HSF5: variants seen among roughly 807,000 people sequenced by gnomAD.
HSF5 encodes heat shock factor protein 5.
A neutral mutation model predicts 50.8 loss-of-function variants in HSF5; 5 were observed. That is an observed-to-expected ratio of 0.10 (90% CI 0.05 to 0.21). HSF5 has a LOEUF of 0.21. Among genes scored for constraint, HSF5 ranks in the 10% least tolerant of loss-of-function variants. HSF5 has a pLI of 1.00. For synonymous variants in HSF5, 307 were observed against 307.4 expected, an observed-to-expected ratio of 1.00 and a Z score of 0.02; for missense variants, 564 against 762.6, an observed-to-expected ratio of 0.74 and a Z score of 3.07.
chr17:58,435,639 G>A (rs768813561), intron 5 of HSF5, among the ~76,000 whole-genome samples: 7 of 151,948 alleles, frequency 4.6e-5, no homozygotes, highest in African/African-American at 9.7e-5. Context: ...TTGGCTGGGC[G>A]CTGTGGCTCA....
At position 58,458,957 on chromosome 17, in the gene HSF5, A is replaced by G; in HGVS notation, c.1543-12T>C. 6.3e-7 allele frequency: 1 copy of G among 1,596,094 alleles called. No individual in the cohort carries two copies. On this transcript the variant is annotated splice_polypyrimidine_tract_variant and intron_variant, in intron 4 of 5. Transcript: ENST00000323777. ...ATGTTGGCATCCACCTAAAATATTA[A>G]ACCCATTCATTATTTGAGATTTCCT... is the stretch of plus-strand genomic sequence containing the variant.
chr17:58,476,698 G>T, intron 2 of HSF5: 2 of 1,584,934 alleles, frequency 1.3e-6, no homozygotes, highest in Non-Finnish European at 1.7e-6. Context: ...GACAAATGTT[G>T]TTATCCAAAA....
chr17:58,451,971 G>A (rs925910583), intron 5 of HSF5, among the ~76,000 whole-genome samples: 31 of 139,950 alleles, frequency 2.2e-4, no homozygotes, highest in Admixed American at 7.8e-4. Flanking sequence ...AAAAAAGGAC[G>A]GCCAGGTGTG....
At chr17:58,427,392 A>AT (rs1285521155) in intron 5 of HSF5, among the ~76,000 whole-genome samples, 1 of 152,236 alleles carries the variant, frequency 6.6e-6, no homozygotes, top group Non-Finnish European at 1.5e-5. Flanking sequence ...AAGGGCACTG[A>AT]TAAGTTCTGC....
intron 5 of HSF5, among the ~76,000 whole-genome samples, chr17:58,433,978 T>C (rs1974395299): frequency 7.0e-6 from 1 of 142,080 alleles, no homozygotes; most frequent in Non-Finnish European, 1.5e-5. Context: ...CAGTGGCGTG[T>C]TCTTGGCTCA....
intron 4 of HSF5, among the ~76,000 whole-genome samples, chr17:58,460,561 G>A (rs1467413011): frequency 6.6e-6 from 1 of 150,788 alleles, no homozygotes; most frequent in African/African-American, 2.4e-5. Flanking sequence ...CCAGGCTGGA[G>A]TGCAGTGGCG....
chr17:58,459,793 A>G (rs1214019663), intron 4 of HSF5, among the ~76,000 whole-genome samples: 2 of 152,024 alleles, frequency 1.3e-5, no homozygotes, highest in Non-Finnish European at 2.9e-5. Context: ...GACCAAAAGT[A>G]AGATAGTTTC....
chr17:58,470,700 G>C (rs1435743763), intron 2 of HSF5, among the ~76,000 whole-genome samples: 1 of 152,200 alleles, frequency 6.6e-6, no homozygotes, highest in Non-Finnish European at 1.5e-5. Flanking sequence ...GGCCAAGGCA[G>C]GCGGATCACG....
chr17:58,453,561 C>T (rs1974668294), intron 5 of HSF5, among the ~76,000 whole-genome samples: 1 of 151,790 alleles, frequency 6.6e-6, no homozygotes, highest in African/African-American at 2.4e-5. Context: ...TGCCATTGCA[C>T]TCCAGCCTGG....
intron 5 of HSF5, among the ~76,000 whole-genome samples, chr17:58,423,533 G>A (rs1216160729): frequency 7.5e-6 from 1 of 132,596 alleles, no homozygotes; most frequent in Admixed American, 8.8e-5. Flanking sequence ...TGTCACCCGC[G>A]CTGGAGTGCA....
At chr17:58,480,762 G>GCTATCTATCTATCTAT (rs59278255) in intron 1 of HSF5, among the ~76,000 whole-genome samples, 5,397 of 146,434 alleles carry the variant, frequency 0.037, 133 homozygotes, top group East Asian at 0.042. Flanking sequence ...AACGCTCTTT[G>GCTATCTATCTATCTAT]CTATCTATCT....
intron 5 of HSF5, among the ~76,000 whole-genome samples, chr17:58,429,832 C>T (rs1408475303): frequency 1.5e-5 from 2 of 129,578 alleles, no homozygotes; most frequent in Non-Finnish European, 3.3e-5. Context: ...GGCAACAAAG[C>T]AAGACTCTGT....
intron 5 of HSF5, among the ~76,000 whole-genome samples, chr17:58,436,253 TTTCATA>T (rs1974426026): frequency 6.6e-6 from 1 of 152,230 alleles, no homozygotes; most frequent in African/African-American, 2.4e-5. Flanking sequence ...ATAGCCATGT[TTTCATA>T]GACCAACTGC....
intron 5 of HSF5, among the ~76,000 whole-genome samples, chr17:58,440,692 A>G (rs1447213942): frequency 6.6e-6 from 1 of 152,202 alleles, no homozygotes; most frequent in Non-Finnish European, 1.5e-5. Context: ...GAAAACAACC[A>G]TGCTTACTAT....
In HSF5 at chr17:58,487,754, G is replaced by A; in HGVS notation, c.521C>T (p.Pro174Leu). Residue 174 changes from proline to leucine, a missense_variant, in exon 1 of 6, where the codon CCG (proline) becomes CTG (leucine). Coordinates refer to ENST00000323777, the MANE Select transcript of HSF5 (RefSeq NM_001080439.3). The part of the protein sequence containing the change: ...TAPLQHQQPP[P>L]PAGPRPEPHG... ...CGGCTCGGGCCGGGGCCCCGCGGGCGGCGGCGGCTGCTGGTGCTGCAGTGG... is the reference window on the plus strand; with the variant it reads ...CGGCTCGGGCCGGGGCCCCGCGGGCAGCGGCGGCTGCTGGTGCTGCAGTGG... The A allele has an allele frequency of 7.2e-7, 1 of 1,383,264 alleles. No individual in the cohort carries two copies. The highest frequency in any genetic ancestry group is 9.3e-7 in the Non-Finnish European group (1 of 1,080,968). The allele number at this position is 1,383,264 out of a possible 1,614,324, so 85.7% of individuals were successfully genotyped here.
In HSF5 at chr17:58,458,939, C is replaced by T; in HGVS notation, c.1549G>A (p.Ala517Thr). The change falls in exon 5 of 6, where the codon GCC (alanine) becomes ACC (threonine). Residue 517 changes from alanine (A) to threonine (T), a missense_variant. Physicochemically the swap from Ala to Thr is moderately conservative, Grantham distance 58 (BLOSUM62 0). This residue lies in a region of HSF5 where 441 missense variants were observed against 533.6 expected (regional missense o/e 0.83). Transcript: ENST00000323777. ...GAACTGGTCTGGCATTTTATGTTGG[C>T]ATCCACCTAAAATATTAAACCCATT... The part of the protein sequence containing the change: ...GPPFSTHQVD[A>T]NIKCQTSSRE... The T allele has an allele frequency of 6.2e-7, 1 of 1,607,728 alleles. No individual in the cohort carries two copies. Among genetic ancestry groups the T allele is most frequent in the Non-Finnish European group, 8.5e-7 (1 of 1,177,936 alleles).
intron 5 of HSF5, among the ~76,000 whole-genome samples, chr17:58,443,339 G>A (rs1262009750): frequency 2.0e-5 from 3 of 152,080 alleles, no homozygotes; most frequent in Admixed American, 6.6e-5. Context: ...CCAACTTGAC[G>A]ACTGCTGAAA....
intron 2 of HSF5, among the ~76,000 whole-genome samples, chr17:58,472,569 A>G (rs1364065830): frequency 1.3e-5 from 2 of 152,220 alleles, no homozygotes; most frequent in African/African-American, 2.4e-5. Flanking sequence ...CTATTCACAT[A>G]TATTAATTTA....
At chr17:58,480,762 G>GCTAT (rs59278255) in intron 1 of HSF5, among the ~76,000 whole-genome samples, 44,311 of 146,246 alleles carry the variant, frequency 0.3, 6,739 homozygotes, top group South Asian at 0.35. Context: ...AACGCTCTTT[G>GCTAT]CTATCTATCT....
Sources: allele counts gnomAD v4.1 joint callset (sites outside exome capture counted in the v4.1 genomes callset), GRCh38; gene constraint gnomAD v4.1.1; regional missense constraint gnomAD v4.1.1; transcripts MANE v1.5; gene names NCBI Gene and HGNC (gene_info 2026-07-23, HGNC 2026-07-21).